The following PTPRN2 variants were observed in gnomAD, a reference collection of about 807,000 sequenced individuals.
The protein encoded by PTPRN2 is receptor-type tyrosine-protein phosphatase N2.
In PTPRN2, 74 loss-of-function variants were observed where a neutral mutation model predicts 118.8. That is an observed-to-expected ratio of 0.62 (90% CI 0.52 to 0.76). PTPRN2 has a LOEUF of 0.76. Ranked by LOEUF, PTPRN2 falls within the 30% of genes least tolerant of loss-of-function variation. PTPRN2 has a pLI of 0.00. For synonymous variants in PTPRN2, 641 were observed against 608.0 expected, an observed-to-expected ratio of 1.05 and a Z score of -0.80; for missense variants, 1,481 against 1,394.4, an observed-to-expected ratio of 1.06 and a Z score of -0.99.
chr7:157,993,558 C>T (rs78144711), intron 11 of PTPRN2, among the ~76,000 whole-genome samples: 3,260 of 152,218 alleles, frequency 0.021, 52 homozygotes, highest in South Asian at 0.039. Flanking sequence ...GGGGAGGTGG[C>T]GATCGGAATC....
intron 22 of PTPRN2, among the ~76,000 whole-genome samples, chr7:157,544,321 T>C (rs1452647379): frequency 6.6e-6 from 1 of 152,224 alleles, no homozygotes; most frequent in Non-Finnish European, 1.5e-5. Context: ...ACTCCGGTGC[T>C]GTGCTGGGTT....
intron 9 of PTPRN2, among the ~76,000 whole-genome samples, chr7:158,129,263 CACACACT>C (rs1301324679): frequency 1.3e-5 from 2 of 149,556 alleles, no homozygotes; most frequent in South Asian, 2.1e-4. Context: ...CACTACACAC[CACACACT>C]ACACACCACA....
chr7:157,656,698 G>T, intron 13 of PTPRN2, 147 bp from the exon 14 acceptor site: 1 of 845,374 alleles, frequency 1.2e-6, no homozygotes, highest in Non-Finnish European at 1.8e-6. Flanking sequence ...GGGCAGGCCA[G>T]CGCAACATGA....
chr7:158,084,560 CAG>C (rs1813104267), intron 10 of PTPRN2, among the ~76,000 whole-genome samples: 1 of 152,070 alleles, frequency 6.6e-6, no homozygotes, highest in African/African-American at 2.4e-5. Context: ...TAGAGCCCTG[CAG>C]AGTCTCTTAG....
intron 21 of PTPRN2, among the ~76,000 whole-genome samples, chr7:157,566,648 G>T (rs181614769): frequency 6.6e-6 from 1 of 152,208 alleles, no homozygotes; most frequent in African/African-American, 2.4e-5. Context: ...GGCTGCATGC[G>T]TATTGTCCAA....
At chr7:157,856,660 A>G (rs77872050) in intron 12 of PTPRN2, among the ~76,000 whole-genome samples, 5,798 of 152,302 alleles carry the variant, frequency 0.038, 125 homozygotes, top group South Asian at 0.099. Flanking sequence ...AAATACATTA[A>G]ACATACAAAA....
chr7:158,146,108 G>A (rs1819955986), intron 6 of PTPRN2, among the ~76,000 whole-genome samples: 1 of 152,196 alleles, frequency 6.6e-6, no homozygotes, highest in East Asian at 1.9e-4. Context: ...GGTTCTCCAT[G>A]AGAAGCTCTC....
intron 5 of PTPRN2, among the ~76,000 whole-genome samples, chr7:158,188,544 AG>A: frequency 9.9e-6 from 1 of 101,332 alleles, no homozygotes; most frequent in Admixed American, 9.8e-5. Context: ...CTGATGGGGA[AG>A]GCCGCCACGC....
In PTPRN2 at chr7:158,479,877, G is replaced by A. The variant is rs572791110; in HGVS notation, c.163+9858C>T. Among the ~76,000 whole-genome samples, 75 of 152,380 alleles carry A rather than the reference G, an allele frequency of 4.9e-4. 1 individual carries two copies. The South Asian group carries it at 0.015, about 29-fold the overall frequency. ...CTGCGGCGCAGTGGGCGTCATCCTCGCTGCTGTGGGAGCGGGGGCTCCTGC... is the reference window on the plus strand; with the variant it reads ...CTGCGGCGCAGTGGGCGTCATCCTCACTGCTGTGGGAGCGGGGGCTCCTGC... On this transcript the variant is annotated intron_variant, in intron 2 of 22. Transcript: ENST00000389418.
chr7:158,085,524 TGCCC>T, intron 10 of PTPRN2, among the ~76,000 whole-genome samples: 1 of 91,040 alleles, frequency 1.1e-5, no homozygotes, highest in Admixed American at 1.2e-4. Context: ...TCCACACAGA[TGCCC>T]ATCCACACCC....
At chr7:158,474,505 C>T (rs1320236703) in intron 2 of PTPRN2, among the ~76,000 whole-genome samples, 2 of 152,222 alleles carry the variant, frequency 1.3e-5, no homozygotes, top group Admixed American at 6.5e-5. Flanking sequence ...AAAGGGAAAA[C>T]GGTCTTTCAA....
intron 2 of PTPRN2, among the ~76,000 whole-genome samples, chr7:158,450,679 A>T (rs1375239404): frequency 6.6e-6 from 1 of 152,162 alleles, no homozygotes; most frequent in Non-Finnish European, 1.5e-5. Context: ...AGATGATCCG[A>T]GTCGCCCCGT....
At chr7:157,694,898 A>T (rs1231145274) in intron 12 of PTPRN2, among the ~76,000 whole-genome samples, 1 of 152,158 alleles carries the variant, frequency 6.6e-6, no homozygotes. Context: ...TGTTGATTGA[A>T]ATCATTTATA....
rs1442929071 is a variant in PTPRN2 at position 157,598,133 on chromosome 7, T to C, written c.2419-2818A>G. On this transcript the variant is annotated intron_variant, in intron 16 of 22. Coordinates refer to ENST00000389418, the MANE Select transcript of PTPRN2 (RefSeq NM_002847.5). The surrounding 1 kb of genome is among the most constrained non-coding windows in gnomAD (Gnocchi z 5.2). ...GAAATCAAGTGAGTTTCTACTAACATTGCTTTTTCCAATGAGGGCATCTGC... is the reference window on the plus strand; with the variant it reads ...GAAATCAAGTGAGTTTCTACTAACACTGCTTTTTCCAATGAGGGCATCTGC... Among the ~76,000 whole-genome samples the C allele has an allele frequency of 6.6e-6, 1 of 152,150 alleles. No homozygotes were observed. The highest frequency in any genetic ancestry group is 1.5e-5 in the Non-Finnish European group (1 of 68,032).
chr7:158,080,960 A>T (rs750314560), intron 11 of PTPRN2, among the ~76,000 whole-genome samples: 1 of 152,194 alleles, frequency 6.6e-6, no homozygotes, highest in Non-Finnish European at 1.5e-5. Context: ...TACAAACACC[A>T]AATCTTGCTT....
intron 12 of PTPRN2, among the ~76,000 whole-genome samples, chr7:157,738,187 C>T (rs1269569697): frequency 6.6e-6 from 1 of 152,180 alleles, no homozygotes; most frequent in South Asian, 2.1e-4. Flanking sequence ...GGAATGTGGC[C>T]GTACACAATA....
intron 15 of PTPRN2, among the ~76,000 whole-genome samples, 195 bp from the exon 16 acceptor site, chr7:157,604,270 C>G (rs1296608199): frequency 6.6e-6 from 1 of 152,248 alleles, no homozygotes; most frequent in Non-Finnish European, 1.5e-5. Context: ...CCTGCCCGGG[C>G]TCCAGGGCCC....
chr7:158,225,587 C>G (rs1828706762), intron 3 of PTPRN2, among the ~76,000 whole-genome samples: 1 of 152,114 alleles, frequency 6.6e-6, no homozygotes, highest in African/African-American at 2.4e-5. Flanking sequence ...AGTTTGCAGT[C>G]TAGTGTGGAA....
At chr7:157,792,182 GGGCTC>G (rs940393703) in intron 12 of PTPRN2, among the ~76,000 whole-genome samples, 23 of 152,248 alleles carry the variant, frequency 1.5e-4, no homozygotes, top group Admixed American at 5.2e-4. Flanking sequence ...TCATGGGGTG[GGGCTC>G]GCGTTCCCAT....
Sources: allele counts gnomAD v4.1 joint callset (sites outside exome capture counted in the v4.1 genomes callset), GRCh38; gene constraint gnomAD v4.1.1; non-coding constraint Gnocchi (gnomAD v3.1); transcripts MANE v1.5; gene names NCBI Gene and HGNC (gene_info 2026-07-23, HGNC 2026-07-21).